The following MECOM variants were observed in gnomAD, a reference collection of about 807,000 sequenced individuals.
MECOM encodes the protein histone-lysine N-methyltransferase MECOM.
A neutral mutation model predicts 116.3 loss-of-function variants in MECOM; 13 were observed. That is an observed-to-expected ratio of 0.11 (90% CI 0.07 to 0.18). The LOEUF is 0.18. MECOM is among the 10% of genes least tolerant of loss of function. The pLI is 1.00. For synonymous variants in MECOM, 528 were observed against 535.2 expected (o/e 0.99, Z 0.19); for missense variants, 1,299 against 1,509.0 (o/e 0.86, Z 2.31).
rs1577356698 is a variant in MECOM at position 169,663,676 on chromosome 3, C to T, written c.-304G>A. The stretch of plus-strand genomic sequence containing the variant: ...CCAGCATTGTCAGTTTGGACACCTT[C>T]GCACATGCGCGCTAGACGCCCCTCC... On this transcript the variant is annotated 5_prime_UTR_variant, in exon 1 of 17. Coordinates refer to ENST00000651503, the MANE Select transcript of MECOM (RefSeq NM_004991.4). 2.6e-6 allele frequency: 1 copy of T among 388,604 alleles called. No homozygotes were observed. The highest frequency in any genetic ancestry group is 4.6e-6 in the Non-Finnish European group (1 of 218,758). 24.1% of individuals were successfully genotyped at this position (388,604 alleles called of 1,614,324 possible).
At chr3:169,241,508 T>C (rs1408176383) in intron 2 of MECOM, among the ~76,000 whole-genome samples, 1 of 152,148 alleles carries the variant, frequency 6.6e-6, no homozygotes, top group Non-Finnish European at 1.5e-5. Flanking sequence ...GTTTATGGAA[T>C]GTACCTTAAG....
chr3:169,164,401 T>C (rs1330053907), intron 2 of MECOM, among the ~76,000 whole-genome samples: 2 of 152,192 alleles, frequency 1.3e-5, no homozygotes, highest in African/African-American at 2.4e-5. Flanking sequence ...ATAAACCTCT[T>C]TCTTTTGTAA....
intron 1 of MECOM, among the ~76,000 whole-genome samples, chr3:169,484,600 A>C (rs540245188): frequency 2.0e-5 from 3 of 152,342 alleles, no homozygotes; most frequent in Admixed American, 2.0e-4. Context: ...ATTTTAAAGA[A>C]AATTTATTTT....
intron 1 of MECOM, among the ~76,000 whole-genome samples, chr3:169,582,750 C>T (rs772472567): frequency 1.3e-5 from 2 of 152,192 alleles, no homozygotes; most frequent in Non-Finnish European, 2.9e-5. Context: ...TTACATTTGA[C>T]CAGCTGCGTC....
chr3:169,168,310 C>T (rs1277980582), intron 2 of MECOM, among the ~76,000 whole-genome samples: 1 of 145,724 alleles, frequency 6.9e-6, no homozygotes, highest in Non-Finnish European at 1.5e-5. Context: ...TCTGGGATTA[C>T]AGGCATGAGT....
At chr3:169,476,819 GGAA>G (rs1404136534) in intron 1 of MECOM, 1 of 151,434 alleles carries the variant, frequency 6.6e-6, no homozygotes, top group African/African-American at 2.4e-5. Context: ...CAGGTTGAGT[GGAA>G]GAAGATGCTA....
intron 3 of MECOM, among the ~76,000 whole-genome samples, chr3:169,137,610 T>C (rs1736753688): frequency 6.6e-6 from 1 of 152,114 alleles, no homozygotes; most frequent in South Asian, 2.1e-4. Context: ...CAAGAAAATA[T>C]TAATTGAAAA....
rs528722162 is a variant in MECOM at position 169,376,302 on chromosome 3, C to T, written c.375+4885G>A. 4.6e-3 allele frequency among the ~76,000 whole-genome samples: 696 copies of T among 152,220 alleles called. 10 individuals are homozygous for T. Among genetic ancestry groups the T allele is most frequent in the African/African-American group, 0.016 (682 of 41,530 alleles). ...GATGCCCTCTCTCACCACTCCTATT[C>T]AACATAGTATTAGAAGTTCTAGCCA... On this transcript the variant is annotated intron_variant, in intron 2 of 16. Coordinates refer to ENST00000651503, the MANE Select transcript of MECOM (RefSeq NM_004991.4).
chr3:169,299,736 C>T (rs1266091206), intron 2 of MECOM, among the ~76,000 whole-genome samples: 1 of 152,216 alleles, frequency 6.6e-6, no homozygotes, highest in East Asian at 1.9e-4. Flanking sequence ...TTCATTCAAA[C>T]TGTGTATTCA....
chr3:169,116,132 A>G lies in MECOM; in HGVS notation c.1740T>C (p.Ser580=), dbSNP rs1030042302. Reference sequence around the variant, plus strand: ...TTGGTGTACTGACATCATCAAGGTCACTACTCTCTGACTGGTCACTGATTT... The same window carrying G: ...TTGGTGTACTGACATCATCAAGGTCGCTACTCTCTGACTGGTCACTGATTT... ...FEKISDQSES[S]DLDDVSTPSG... The change falls in exon 8 of 17, where the codon AGT becomes AGC. Residue 580 remains serine, a synonymous_variant. Transcript: ENST00000651503. The G allele has an allele frequency of 6.2e-7, 1 of 1,614,138 alleles. No homozygotes were observed. Among genetic ancestry groups the G allele is most frequent in the Admixed American group, 1.7e-5 (1 of 60,026 alleles).
At chr3:169,144,527 G>A (rs1739131497) in intron 2 of MECOM, among the ~76,000 whole-genome samples, 1 of 152,046 alleles carries the variant, frequency 6.6e-6, no homozygotes, top group Non-Finnish European at 1.5e-5. Context: ...TTAAAATACT[G>A]TAATGAACTG....
intron 1 of MECOM, among the ~76,000 whole-genome samples, chr3:169,510,207 A>G (rs12490068): frequency 0.018 from 2,768 of 150,702 alleles, 28 homozygotes; most frequent in Middle Eastern, 0.037. Context: ...ATCACTGTAA[A>G]CTCCTGCATT....
At chr3:169,392,577 TA>T (rs1734385257) in intron 1 of MECOM, among the ~76,000 whole-genome samples, 1 of 152,078 alleles carries the variant, frequency 6.6e-6, no homozygotes, top group Admixed American at 6.6e-5. Context: ...TTGAATAAGA[TA>T]AAATGTCTGC....
At chr3:169,251,932 TACA>T (rs1756289977) in intron 2 of MECOM, among the ~76,000 whole-genome samples, 1 of 152,204 alleles carries the variant, frequency 6.6e-6, no homozygotes, top group Non-Finnish European at 1.5e-5. Flanking sequence ...CAATGTAATA[TACA>T]GATAATACAA....
intron 1 of MECOM, among the ~76,000 whole-genome samples, chr3:169,401,334 C>T (rs1222577808): frequency 6.6e-6 from 1 of 152,026 alleles, no homozygotes; most frequent in African/African-American, 2.4e-5. Flanking sequence ...CCCTGACCCA[C>T]TTAGCATTGT....
intron 1 of MECOM, among the ~76,000 whole-genome samples, chr3:169,413,489 T>TA (rs1737946804): frequency 2.2e-5 from 1 of 45,932 alleles, no homozygotes; most frequent in East Asian, 3.5e-4. Flanking sequence ...TTTTTTTTTT[T>TA]ATTTTTTTTT....
intron 1 of MECOM, among the ~76,000 whole-genome samples, chr3:169,644,531 A>T (rs1039493899): frequency 6.6e-6 from 1 of 152,158 alleles, no homozygotes; most frequent in Non-Finnish European, 1.5e-5. Context: ...TGCTGGGATT[A>T]TAGGGGTGAG....
At chr3:169,407,484 A>G (rs1736889693) in intron 1 of MECOM, among the ~76,000 whole-genome samples, 2 of 152,214 alleles carry the variant, frequency 1.3e-5, no homozygotes, top group African/African-American at 4.8e-5. Context: ...ACTGTAATAG[A>G]ACATTTGTTA....
At chr3:169,339,603 C>T (rs766918752) in intron 2 of MECOM, among the ~76,000 whole-genome samples, 6 of 152,098 alleles carry the variant, frequency 3.9e-5, no homozygotes, top group Non-Finnish European at 5.9e-5. Flanking sequence ...AGGCCCTTCC[C>T]GGAACTACTG....
Sources: gnomAD v4.1 joint callset for allele counts (sites outside exome capture counted in the v4.1 genomes callset) on GRCh38, gnomAD v4.1.1 for gene constraint, MANE v1.5 for transcripts, NCBI Gene and HGNC (gene_info 2026-07-23, HGNC 2026-07-21) for gene names.